The following PCDHA1 variants were observed in gnomAD, a reference collection of about 807,000 sequenced individuals.
PCDHA1 encodes protocadherin alpha 1.
In PCDHA1, 42 loss-of-function variants were observed where a neutral mutation model predicts 61.3. That is an observed-to-expected ratio of 0.69 (90% CI 0.54 to 0.89). The LOEUF (loss-of-function observed/expected upper bound fraction) is 0.89. Among genes scored for constraint, PCDHA1 ranks in the 40% least tolerant of loss-of-function variants. The pLI is 0.00. For missense variants in PCDHA1, 1,256 were observed against 1,235.3 expected (o/e 1.02, Z -0.25); for synonymous variants, 610 against 553.8 (o/e 1.10, Z -1.43).
At position 140,883,599 on chromosome 5, in the gene PCDHA1, G is replaced by A. The variant is rs1562791244; in HGVS notation, c.2394+94915G>A. ...TGGGCCACGGCCAGCGTGTCGGTGG[G>A]GGTGGCCGACGTGAACGACAACGCG... On this transcript the variant is annotated intron_variant, in intron 1 of 3. Coordinates refer to ENST00000504120, the MANE Select transcript of PCDHA1 (RefSeq NM_018900.4). 4 of 1,614,016 alleles carry A rather than the reference G, an allele frequency of 2.5e-6. No homozygotes were observed. Among genetic ancestry groups the A allele is most frequent in the Non-Finnish European group, 3.4e-6 (4 of 1,179,942 alleles).
At chr5:140,993,830 A>G (rs536970854) in intron 3 of PCDHA1, among the ~76,000 whole-genome samples, 44 of 152,326 alleles carry the variant, frequency 2.9e-4, no homozygotes, top group Non-Finnish European at 5.0e-4. Context: ...GCTATACCAT[A>G]TAGCCTAGGT....
intron 1 of PCDHA1, among the ~76,000 whole-genome samples, chr5:140,892,861 G>A (rs1422724084): frequency 2.6e-5 from 4 of 152,100 alleles, no homozygotes; most frequent in African/African-American, 9.7e-5. Flanking sequence ...TTCCTCCTGT[G>A]TAGCTATAAT....
chr5:140,847,830 A>G lies in PCDHA1; in HGVS notation c.2394+59146A>G, dbSNP rs137920365. The G allele has an allele frequency of 3.3e-5, 5 of 149,914 alleles. No homozygotes were observed. In the East Asian group the frequency reaches 7.7e-4, roughly 23 times the overall value. The allele number at this position is 149,914 out of a possible 1,614,324, so 9.3% of individuals were successfully genotyped here. ...ATTCATAGAATTACTCAAGAAAACT[A>G]CCTCAGTTGGTTGCTACTTTTTGTT... On this transcript the variant is annotated intron_variant, in intron 1 of 3. Transcript: ENST00000504120.
intron 1 of PCDHA1, chr5:140,803,289 G>A (rs781851356): frequency 4.3e-6 from 7 of 1,614,088 alleles, no homozygotes; most frequent in African/African-American, 1.3e-5. Flanking sequence ...GGATGTCAAC[G>A]TGTACTTGAT....
chr5:140,893,709 G>T lies in PCDHA1; in HGVS notation c.2395-85240G>T, dbSNP rs141117049. ...ATCTCATTCTATCCTAGCCTGTAAA[G>T]CTTCTGCTGAGAAATCTGCTGTTAG... is the stretch of plus-strand genomic sequence containing the variant. On this transcript the variant is annotated intron_variant, in intron 1 of 3. Transcript: ENST00000504120. 2.6e-3 allele frequency among the ~76,000 whole-genome samples: 396 copies of T among 152,250 alleles called. 2 individuals carry two copies. Among genetic ancestry groups the T allele is most frequent in the African/African-American group, 9.2e-3 (384 of 41,542 alleles).
chr5:140,835,620 C>T, intron 1 of PCDHA1: 2 of 1,613,942 alleles, frequency 1.2e-6, no homozygotes, highest in Non-Finnish European at 1.7e-6. Flanking sequence ...GGACAGCGCT[C>T]TGGACCGCGA....
At chr5:140,899,032 A>G (rs1377878756) in intron 1 of PCDHA1, among the ~76,000 whole-genome samples, 2 of 151,890 alleles carry the variant, frequency 1.3e-5, no homozygotes, top group African/African-American at 4.8e-5. Context: ...ATTTTTGTAC[A>G]TTGATTTTGT....
intron 1 of PCDHA1, chr5:140,884,214 T>G: frequency 6.2e-7 from 1 of 1,613,446 alleles, no homozygotes; most frequent in African/African-American, 1.3e-5. Context: ...CGCCTTCTGG[T>G]GCTGGTGAAG....
Position 140,857,251 on chromosome 5 carries a change from G to T in PCDHA1, c.2394+68567G>T, listed in dbSNP as rs1554149715. The T allele has an allele frequency of 1.9e-6, 3 of 1,598,606 alleles. No individual in the cohort carries two copies. In the Admixed American group the frequency reaches 5.1e-5, roughly 27 times the overall value. ...CGTTCAAGCTGGTGTCCACCTACAA[G>T]AATTACTACTCATTGGTGCTGGACA... is the stretch of plus-strand genomic sequence containing the variant. On this transcript the variant is annotated intron_variant, in intron 1 of 3. Coordinates refer to ENST00000504120, the MANE Select transcript of PCDHA1 (RefSeq NM_018900.4).
intron 1 of PCDHA1, chr5:140,928,095 G>T (rs782045221): frequency 1.9e-6 from 3 of 1,614,190 alleles, no homozygotes; most frequent in Non-Finnish European, 1.7e-6. Flanking sequence ...TGATTGATGG[G>T]CCCCTGGACC....
Position 140,883,565 on chromosome 5 carries a change from C to T in PCDHA1, c.2394+94881C>T, listed in dbSNP as rs139159217. On this transcript the variant is annotated intron_variant, in intron 1 of 3. Transcript: ENST00000504120. ...GGTGACCGCGCGGGACGGGGGCTCG[C>T]CTTCGCTGTGGGCCACGGCCAGCGT... is the stretch of plus-strand genomic sequence containing the variant. 6.5e-5 allele frequency: 105 copies of T among 1,614,180 alleles called. 1 individual carries two copies. In the African/African-American group the frequency reaches 1.3e-3, roughly 20 times the overall value.
intron 1 of PCDHA1, chr5:140,808,735 G>A: frequency 2.5e-6 from 4 of 1,612,204 alleles, no homozygotes; most frequent in Non-Finnish European, 3.4e-6. Flanking sequence ...AGAGCGGCAA[G>A]GTGTACGCGC....
intron 1 of PCDHA1, among the ~76,000 whole-genome samples, chr5:140,923,976 A>G (rs1257687753): frequency 6.6e-6 from 1 of 152,176 alleles, no homozygotes; most frequent in Non-Finnish European, 1.5e-5. Context: ...CACACATACT[A>G]TCCCTCTAGG....
At chr5:140,801,289 T>C (rs1554121363) in intron 1 of PCDHA1, 1 of 1,613,496 alleles carries the variant, frequency 6.2e-7, no homozygotes, top group African/African-American at 1.3e-5. Flanking sequence ...AGCGGCCAGC[T>C]CCACTACTCC....
At chr5:140,829,931 C>T in intron 1 of PCDHA1, 2 of 1,614,016 alleles carry the variant, frequency 1.2e-6, no homozygotes, top group Non-Finnish European at 1.7e-6. Flanking sequence ...GCTGCAGCCC[C>T]CGGCAAGCAG....
intron 1 of PCDHA1, chr5:140,835,747 T>C: frequency 6.2e-7 from 1 of 1,613,592 alleles, no homozygotes; most frequent in Non-Finnish European, 8.5e-7. Flanking sequence ...GCCCCGGCGT[T>C]CGCGCAGCCC....
rs114181547 is a variant in PCDHA1, at chr5:140,916,746, T to C, written c.2395-62203T>C. Among the ~76,000 whole-genome samples, 1,217 of 152,314 alleles carry C rather than the reference T, an allele frequency of 8.0e-3. 6 individuals carry two copies. Among genetic ancestry groups the C allele is most frequent in the African/African-American group, 0.019 (786 of 41,576 alleles). ...TTTTGTTGCTGCAAGCTTCACTGCC[T>C]GGGATTAGGGGAGGGGTGGCACAAG... On this transcript the variant is annotated intron_variant, in intron 1 of 3. Coordinates refer to ENST00000504120, the MANE Select transcript of PCDHA1 (RefSeq NM_018900.4).
intron 3 of PCDHA1, among the ~76,000 whole-genome samples, chr5:140,989,478 G>A (rs1319813384): frequency 2.0e-5 from 3 of 152,204 alleles, no homozygotes; most frequent in Admixed American, 6.5e-5. Context: ...CTCCTGGGAG[G>A]TGCTTGAACA....
intron 1 of PCDHA1, among the ~76,000 whole-genome samples, chr5:140,886,682 G>A (rs181377286): frequency 6.6e-6 from 1 of 151,618 alleles, no homozygotes. Context: ...AAAAATTAGC[G>A]AGGCATGGTG....
Sources: gnomAD v4.1 joint callset for allele counts (sites outside exome capture counted in the v4.1 genomes callset) on GRCh38, gnomAD v4.1.1 for gene constraint, MANE v1.5 for transcripts, NCBI Gene and HGNC (gene_info 2026-07-23, HGNC 2026-07-21) for gene names.